The following ASTN2 variants were observed in gnomAD, a reference collection of about 807,000 sequenced individuals.
ASTN2 encodes astrotactin 2, also known as astrotactin-2.
Under a neutral mutation model 139.8 loss-of-function variants are expected in ASTN2, and 54 were observed. The observed-to-expected ratio is 0.39, with a 90% CI of 0.31 to 0.48. The LOEUF is 0.48. Among genes scored for constraint, ASTN2 ranks in the 20% least tolerant of loss-of-function variants. ASTN2 has a pLI of 0.95. For synonymous variants in ASTN2, 756 were observed against 719.5 expected, an observed-to-expected ratio of 1.05 and a Z score of -0.81; for missense variants, 1,565 against 1,725.1, an observed-to-expected ratio of 0.91 and a Z score of 1.64.
intron 2 of ASTN2, among the ~76,000 whole-genome samples, chr9:117,278,374 G>A (rs1252638927): frequency 6.6e-6 from 1 of 152,184 alleles, no homozygotes; most frequent in Non-Finnish European, 1.5e-5. Flanking sequence ...ATGACAGCTA[G>A]ATTATGAAGC....
intron 19 of ASTN2, among the ~76,000 whole-genome samples, chr9:116,507,496 C>T (rs1355877869): frequency 6.6e-6 from 1 of 152,178 alleles, no homozygotes; most frequent in African/African-American, 2.4e-5. Context: ...TCATTATTGT[C>T]CAGTTGGTGG....
At chr9:116,432,259 A>G (rs953737944) in intron 22 of ASTN2, among the ~76,000 whole-genome samples, 1 of 152,156 alleles carries the variant, frequency 6.6e-6, no homozygotes, top group Non-Finnish European at 1.5e-5. Context: ...AGTCTTCCAG[A>G]TCTTCCCAGC....
intron 6 of ASTN2, among the ~76,000 whole-genome samples, chr9:117,020,447 A>G (rs984271002): frequency 1.3e-5 from 2 of 151,900 alleles, no homozygotes; most frequent in African/African-American, 4.8e-5. Context: ...AAATAATGCC[A>G]CTTTCTTCTT....
intron 5 of ASTN2, among the ~76,000 whole-genome samples, chr9:117,078,395 T>C (rs1828335616): frequency 6.6e-6 from 1 of 152,232 alleles, no homozygotes; most frequent in African/African-American, 2.4e-5. Flanking sequence ...ATTTATGGTC[T>C]TTTGTATCCC....
At chr9:116,443,409 G>A (rs1847895777) in intron 20 of ASTN2, among the ~76,000 whole-genome samples, 1 of 152,170 alleles carries the variant, frequency 6.6e-6, no homozygotes, top group South Asian at 2.1e-4. Flanking sequence ...GGTTAATCTG[G>A]CTATAAGGCA....
At chr9:116,562,950 C>T (rs888955160) in intron 19 of ASTN2, among the ~76,000 whole-genome samples, 1 of 151,946 alleles carries the variant, frequency 6.6e-6, no homozygotes, top group Non-Finnish European at 1.5e-5. Flanking sequence ...ACAGAGGTGA[C>T]CAAGAGAGGC....
intron 1 of ASTN2, among the ~76,000 whole-genome samples, chr9:117,355,322 G>T (rs549782023): frequency 6.6e-6 from 1 of 152,272 alleles, no homozygotes; most frequent in African/African-American, 2.4e-5. Context: ...GACTGAAGAG[G>T]CTGCTGCAAG....
At chr9:116,448,803 C>T (rs529467820) in intron 20 of ASTN2, among the ~76,000 whole-genome samples, 13 of 152,150 alleles carry the variant, frequency 8.5e-5, no homozygotes, top group Admixed American at 4.6e-4. Flanking sequence ...TATATCTTTT[C>T]CCTTGTACTA....
intron 16 of ASTN2, among the ~76,000 whole-genome samples, chr9:116,659,630 A>T (rs1322484511): frequency 6.6e-6 from 1 of 152,128 alleles, no homozygotes; most frequent in African/African-American, 2.4e-5. Context: ...CTACAGGATG[A>T]GTCATATCCG....
At chr9:116,715,903 C>G (rs1828300129) in intron 16 of ASTN2, among the ~76,000 whole-genome samples, 1 of 152,148 alleles carries the variant, frequency 6.6e-6, no homozygotes, top group South Asian at 2.1e-4. Context: ...GTGAGCAAGG[C>G]TCCTCTCAGG....
intron 19 of ASTN2, among the ~76,000 whole-genome samples, chr9:116,517,762 C>T (rs923848696): frequency 6.6e-6 from 1 of 151,912 alleles, no homozygotes; most frequent in Non-Finnish European, 1.5e-5. Flanking sequence ...AAATATGATA[C>T]AGGATATGAA....
intron 10 of ASTN2, among the ~76,000 whole-genome samples, chr9:116,910,698 C>A (rs989343161): frequency 1.7e-4 from 26 of 152,046 alleles, no homozygotes; most frequent in South Asian, 4.2e-4. Flanking sequence ...GAAAAAAAAA[C>A]CAGAAAAGAA....
chr9:116,905,599 A>G (rs1387278005), intron 10 of ASTN2, among the ~76,000 whole-genome samples: 1 of 152,202 alleles, frequency 6.6e-6, no homozygotes, highest in Non-Finnish European at 1.5e-5. Context: ...CACAGTGCCC[A>G]GGGCAAGAGA....
At chr9:116,720,973 C>G (rs1411930474) in intron 16 of ASTN2, among the ~76,000 whole-genome samples, 1 of 152,120 alleles carries the variant, frequency 6.6e-6, no homozygotes, top group Admixed American at 6.5e-5. Flanking sequence ...AATTAGCAAG[C>G]CCCACCCCTG....
chr9:117,141,249 G>A, intron 4 of ASTN2, 77 bp downstream of exon 4: 1 of 1,301,230 alleles, frequency 7.7e-7, no homozygotes, highest in South Asian at 1.3e-5. Context: ...AGGGAAGAAT[G>A]CACAGATCTC....
chr9:116,676,840 T>C (rs1039338523), intron 16 of ASTN2, among the ~76,000 whole-genome samples: 6 of 152,148 alleles, frequency 3.9e-5, no homozygotes, highest in Non-Finnish European at 4.4e-5. Context: ...TTTACTGAGG[T>C]TTTTCCCCCC....
At chr9:117,246,141 A>C in intron 2 of ASTN2, among the ~76,000 whole-genome samples, 1 of 149,810 alleles carries the variant, frequency 6.7e-6, no homozygotes, top group African/African-American at 2.4e-5. Context: ...GGAATTGAAA[A>C]CAAACAAAAA....
rs1172439215 is a variant in ASTN2, at chr9:117,414,352, C to A, written c.442+145G>T. The A allele has an allele frequency of 2.5e-5, 33 of 1,323,578 alleles. No homozygotes were observed. The highest frequency in any genetic ancestry group is 2.8e-4 in the Middle Eastern group (1 of 3,552). 82.0% of individuals were successfully genotyped at this position (1,323,578 alleles called of 1,614,324 possible). On this transcript the variant is annotated intron_variant, in intron 1 of 22. Transcript: ENST00000313400. This position sits in a 1 kb window ranked among gnomAD's most constrained non-coding sequence, Gnocchi z 4.2. ...ACATGCTCGTTTCCAACCACCTGTG[C>A]GACCTCTGGGCCCCTCCTCTACCCT...
Position 116,733,376 on chromosome 9 carries a change from A to G in ASTN2, c.2521+23T>C, listed in dbSNP as rs1324919592. ...CGGTGTGTGGTCAGGGAACCTGGGA[A>G]GGGTCTGGCACATGTGTCTTACCAG... On this transcript the variant is annotated intron_variant, in intron 14 of 22. Coordinates refer to ENST00000313400, the MANE Select transcript of ASTN2 (RefSeq NM_001365068.1). 1.9e-6 allele frequency: 3 copies of G among 1,611,384 alleles called. No individual in the cohort carries two copies. In the African/African-American group the frequency reaches 4.0e-5, roughly 22 times the overall value.
Sources: allele counts gnomAD v4.1 joint callset (sites outside exome capture counted in the v4.1 genomes callset), GRCh38; gene constraint gnomAD v4.1.1; non-coding constraint Gnocchi (gnomAD v3.1); transcripts MANE v1.5; gene names NCBI Gene and HGNC (gene_info 2026-07-23, HGNC 2026-07-21).